The following COPA variants were observed in gnomAD, a reference collection of about 807,000 sequenced individuals.
The protein encoded by COPA is coat protein complex I subunit alpha.
In COPA, 10 loss-of-function variants were observed where a neutral mutation model predicts 158.7. The ratio of observed to expected loss-of-function variants is 0.06; its 90% CI spans 0.04 to 0.11. The LOEUF (loss-of-function observed/expected upper bound fraction) is 0.11, where lower values mean the gene tolerates loss of function less well. COPA is among the 10% of genes least tolerant of loss of function. COPA has a pLI of 1.00. For synonymous variants in COPA, 462 were observed against 542.8 expected, an observed-to-expected ratio of 0.85 and a Z score of 2.07; for missense variants, 1,065 against 1,536.7, an observed-to-expected ratio of 0.69 and a Z score of 5.13.
chr1:160,325,240 C>T (rs1335092287), intron 7 of COPA, among the ~76,000 whole-genome samples: 1 of 152,158 alleles, frequency 6.6e-6, no homozygotes, highest in African/African-American at 2.4e-5. Flanking sequence ...ATTAAATTTC[C>T]TGCTGCCCTG....
intron 6 of COPA, among the ~76,000 whole-genome samples, chr1:160,329,726 T>C (rs913397481): frequency 3.3e-5 from 5 of 152,244 alleles, no homozygotes; most frequent in Non-Finnish European, 7.3e-5. Context: ...ATTAGCTATA[T>C]ACCATTCTTA....
Position 160,311,943 on chromosome 1 carries a change from T to C in COPA, c.1001A>G (p.His334Arg). 1 of 1,614,068 alleles carries C rather than the reference T, an allele frequency of 6.2e-7. No homozygotes were observed. The highest frequency in any genetic ancestry group is 8.5e-7 in the Non-Finnish European group (1 of 1,179,988). Residue 334 changes from histidine (H) to arginine (R), a missense_variant, in exon 11 of 33, where the codon CAC (histidine) becomes CGC (arginine). Around this residue, in one of 2 missense-constraint regions of COPA, gnomAD observed 980 missense variants for 1,357.8 expected, o/e 0.72. Coordinates refer to ENST00000241704, the MANE Select transcript of COPA (RefSeq NM_004371.4). ...TCGTAAGAATCGGTCCTTGACATAGTGTAGCATATTGCCATGAACAGCATA... is the reference window on the plus strand; with the variant it reads ...TCGTAAGAATCGGTCCTTGACATAGCGTAGCATATTGCCATGAACAGCATA... Reference protein sequence around the residue: ...PAYAVHGNMLHYVKDRFLRQL... With the variant: ...PAYAVHGNMLRYVKDRFLRQL...
intron 19 of COPA, among the ~76,000 whole-genome samples, 182 bp downstream of exon 19, chr1:160,298,663 A>C (rs1481441815): frequency 2.0e-5 from 3 of 152,230 alleles, no homozygotes; most frequent in African/African-American, 4.8e-5. Flanking sequence ...GCAGAAGCAG[A>C]GGCAGGTAAA....
intron 3 of COPA, among the ~76,000 whole-genome samples, chr1:160,337,717 G>A (rs914826756): frequency 2.9e-5 from 4 of 137,124 alleles, no homozygotes; most frequent in Non-Finnish European, 6.5e-5. Context: ...AGACTCCATC[G>A]CAAAAAACAA....
Position 160,292,557 on chromosome 1 carries a change from A to G in COPA, c.2887T>C (p.Tyr963His). Residue 963 changes from tyrosine (Y) to histidine (H), a missense_variant, in exon 28 of 33, where the codon TAC becomes CAC. By Grantham distance (83) the Tyr-to-His change is moderately conservative (BLOSUM62 2). Transcript: ENST00000241704. ...GPYKQLFLQT[Y>H]ARGRTTYQAL... ...TGATAGGTTGTGCGGCCTCGGGCGT[A>G]TGTCTGTAGGAACAGTTGCTTGTAG... 1.2e-6 allele frequency: 2 copies of G among 1,614,040 alleles called. No individual in the cohort carries two copies. The highest frequency in any genetic ancestry group is 2.2e-5 in the East Asian group (1 of 44,870).
Position 160,288,895 on chromosome 1 carries a change from G to A in COPA, c.*1262C>T, listed in dbSNP as rs572535313. ...AGGCTGCAATCAAAAACAGAATAAG[G>A]GAGCTACTTGCTTTCTATCATTTTC... On this transcript the variant is annotated 3_prime_UTR_variant, in exon 33 of 33. Coordinates refer to ENST00000241704, the MANE Select transcript of COPA (RefSeq NM_004371.4). Among the ~76,000 whole-genome samples the A allele has an allele frequency of 6.6e-6, 1 of 152,180 alleles. No individual in the cohort carries two copies. Among genetic ancestry groups the A allele is most frequent in the African/African-American group, 2.4e-5 (1 of 41,536 alleles).
In COPA at chr1:160,294,769, T is replaced by G. The variant is rs1387443394; in HGVS notation, c.2565A>C (p.Glu855Asp). 1 of 1,613,968 alleles carries G rather than the reference T, an allele frequency of 6.2e-7. No individual in the cohort carries two copies. Among genetic ancestry groups the G allele is most frequent in the Non-Finnish European group, 8.5e-7 (1 of 1,179,962 alleles). Residue 855 changes from glutamate to aspartate, a missense_variant and splice_region_variant, in exon 24 of 33, where the codon GAA (glutamate) becomes GAC (aspartate). Physicochemically the swap from Glu to Asp is conservative, Grantham distance 45. Transcript: ENST00000241704. The part of the protein sequence containing the change: ...WGEDAELQLD[E>D]DGFVEATEGL... The stretch of plus-strand genomic sequence containing the variant: ...ACAGTCTTAAAACAGCACTTTTACC[T>G]TCATCCAACTGCAGCTCTGCATCCT...
chr1:160,313,957 AG>A, intron 9 of COPA, 32 bp downstream of exon 9: 1 of 1,546,398 alleles, frequency 6.5e-7, no homozygotes, highest in Non-Finnish European at 8.7e-7. Flanking sequence ...AGAGAGTAAG[AG>A]AAAGTTCACA....
At chr1:160,319,398 T>C (rs1470390465) in intron 8 of COPA, among the ~76,000 whole-genome samples, 1 of 150,782 alleles carries the variant, frequency 6.6e-6, no homozygotes, top group Non-Finnish European at 1.5e-5. Flanking sequence ...CAAACACTAA[T>C]AGATCCAAAA....
intron 6 of COPA, among the ~76,000 whole-genome samples, chr1:160,328,761 G>T (rs891786833): frequency 6.6e-6 from 1 of 152,178 alleles, no homozygotes; most frequent in Non-Finnish European, 1.5e-5. Flanking sequence ...ATGTAGGTTT[G>T]TAAATACATT....
rs779383710 is a variant in COPA at position 160,305,482 on chromosome 1, C to T, written c.1618G>A (p.Val540Ile). ...VKSGAWDESG[V>I]FIYTTSNHIK... ...TGGTTGCTTGTGGTATAGATAAATA[C>T]CCCACTCTCATCCCAGGCCCCACTC... Residue 540 changes from valine (V) to isoleucine (I), a missense_variant, in exon 17 of 33, where the codon GTA becomes ATA. This residue lies in a region of COPA where 980 missense variants were observed against 1,357.8 expected (regional missense o/e 0.72). Coordinates refer to ENST00000241704, the MANE Select transcript of COPA (RefSeq NM_004371.4). 56 of 1,614,006 alleles carry T rather than the reference C, an allele frequency of 3.5e-5. No individual in the cohort carries two copies. The highest frequency in any genetic ancestry group is 4.7e-5 in the Non-Finnish European group (56 of 1,180,014).
At chr1:160,318,490 AACAAAAAAAAAAAAAAAAC>A (rs1659228088) in intron 8 of COPA, among the ~76,000 whole-genome samples, 1 of 67,400 alleles carries the variant, frequency 1.5e-5, no homozygotes, top group African/African-American at 9.9e-5. Context: ...AAAAAAAAAA[AACAAAAAAAAAAAAAAAAC>A]ACTAATGTGC....
intron 20 of COPA, 43 bp from the exon 21 acceptor site, chr1:160,297,481 G>A: frequency 6.2e-7 from 1 of 1,612,870 alleles, no homozygotes; most frequent in Non-Finnish European, 8.5e-7. Flanking sequence ...TTTCTCTTAA[G>A]TTCTCTTTCT....
chr1:160,309,050 G>A (rs1445985261), intron 13 of COPA, 51 bp downstream of exon 13: 3 of 1,404,590 alleles, frequency 2.1e-6, no homozygotes, highest in Middle Eastern at 3.5e-4. Context: ...GAGTTATGAT[G>A]CGGGTGAGGA....
chr1:160,292,662 A>G, intron 27 of COPA, 42 bp from the exon 28 acceptor site: 3 of 1,515,582 alleles, frequency 2.0e-6, no homozygotes, highest in Non-Finnish European at 2.7e-6. Context: ...GCCCTGCTGC[A>G]TAAAAAGCTA....
rs777038735 is a variant in COPA at position 160,299,218 on chromosome 1, G to A, written c.1714C>T (p.Arg572Trp). The change falls in exon 18 of 33, where the codon CGG (arginine) becomes TGG (tryptophan). Residue 572 changes from arginine (R) to tryptophan (W), a missense_variant. By Grantham distance (101) the Arg-to-Trp change is moderately radical (BLOSUM62 -3). Coordinates refer to ENST00000241704, the MANE Select transcript of COPA (RefSeq NM_004371.4). ...CAGTATACATTGTTGCCCTTCACCC[G>A]TGTGACATAGATGGGTAAATCCAGA... ...RTLDLPIYVT[R>W]VKGNNVYCLD... 53 of 1,613,958 alleles carry A rather than the reference G, an allele frequency of 3.3e-5. No individual in the cohort carries two copies. In the East Asian group the frequency reaches 5.1e-4, roughly 16 times the overall value.
chr1:160,332,417 C>T (rs948154252), intron 6 of COPA, 31 bp downstream of exon 6: 29 of 1,505,268 alleles, frequency 1.9e-5, no homozygotes, highest in Non-Finnish European at 2.4e-5. Flanking sequence ...CCAGAGATGA[C>T]CAGGTTGTCC....
rs201542386 is a variant in COPA at position 160,343,230 on chromosome 1, G to A, written c.-60C>T. On this transcript the variant is annotated 5_prime_UTR_variant, in exon 1 of 33. Coordinates refer to ENST00000241704, the MANE Select transcript of COPA (RefSeq NM_004371.4). ...GCCCCGACACACCCTGCTGCCCTTC[G>A]GACGCCTCCACGTCAGCGACCCTCT... 2.5e-6 allele frequency: 4 copies of A among 1,608,214 alleles called. No individual in the cohort carries two copies. Among genetic ancestry groups the A allele is most frequent in the Non-Finnish European group, 3.4e-6 (4 of 1,174,736 alleles).
intron 8 of COPA, among the ~76,000 whole-genome samples, chr1:160,314,713 T>C (rs1465207576): frequency 2.6e-5 from 4 of 152,246 alleles, no homozygotes; most frequent in Non-Finnish European, 4.4e-5. Context: ...CTAGTTGGCC[T>C]TTCAATTTTT....
Sources: allele counts gnomAD v4.1 joint callset (sites outside exome capture counted in the v4.1 genomes callset), GRCh38; gene constraint gnomAD v4.1.1; regional missense constraint gnomAD v4.1.1; transcripts MANE v1.5; gene names NCBI Gene and HGNC (gene_info 2026-07-23, HGNC 2026-07-21).